Variants in SETD2 observed in about 807,000 individuals in gnomAD.
The protein encoded by SETD2 is SET domain containing 2, histone lysine methyltransferase, also known as histone-lysine N-methyltransferase SETD2.
SETD2 carries 31 observed loss-of-function variants against 242.1 expected under a neutral mutation model. That is an observed-to-expected ratio of 0.13 (90% CI 0.10 to 0.17). The LOEUF (loss-of-function observed/expected upper bound fraction) is 0.17. Among genes scored for constraint, SETD2 ranks in the 10% least tolerant of loss-of-function variants. The probability of loss-of-function intolerance (pLI) is 1.00; values close to 1 mark genes in which losing one functional copy is unlikely to be tolerated. For missense variants in SETD2, 2,481 were observed against 3,046.3 expected (o/e 0.81, Z 4.37); for synonymous variants, 1,006 against 1,066.5 (o/e 0.94, Z 1.11).
intron 3 of SETD2, among the ~76,000 whole-genome samples, chr3:47,117,227 C>T (rs1162450745): frequency 7.2e-6 from 1 of 138,880 alleles, no homozygotes; most frequent in African/African-American, 2.8e-5. Context: ...ATTATTAGTA[C>T]TTGTGAGACT....
At chr3:47,153,375 T>C (rs2044044270) in intron 1 of SETD2, among the ~76,000 whole-genome samples, 1 of 152,152 alleles carries the variant, frequency 6.6e-6, no homozygotes, top group Non-Finnish European at 1.5e-5. Context: ...AGTCCAACTA[T>C]GGAAAAATGA....
chr3:47,101,673 C>T (rs2042219867), intron 7 of SETD2, 118 bp from the exon 8 acceptor site: 1 of 577,154 alleles, frequency 1.7e-6, no homozygotes, highest in Non-Finnish European at 3.1e-6. Flanking sequence ...CTTAATTATG[C>T]AAGTGGGTCT....
intron 18 of SETD2, among the ~76,000 whole-genome samples, chr3:47,021,176 C>T (rs2038202281): frequency 6.6e-6 from 1 of 152,004 alleles, no homozygotes; most frequent in African/African-American, 2.4e-5. Context: ...CACAGTAAGA[C>T]CTTAGGTAGC....
intron 2 of SETD2, among the ~76,000 whole-genome samples, chr3:47,124,761 C>T (rs980752427): frequency 6.6e-6 from 1 of 152,134 alleles, no homozygotes; most frequent in African/African-American, 2.4e-5. Context: ...GTATCCACTC[C>T]AAGCTTCAAC....
At chr3:47,098,312 G>A in intron 8 of SETD2, 1 of 320,662 alleles carries the variant, frequency 3.1e-6, no homozygotes, top group East Asian at 5.3e-5. Flanking sequence ...AACTAGCCAA[G>A]AAATAAACAA....
chr3:47,140,795 G>A (rs1377575329), intron 1 of SETD2, among the ~76,000 whole-genome samples: 2 of 152,146 alleles, frequency 1.3e-5, no homozygotes, highest in Non-Finnish European at 2.9e-5. Flanking sequence ...CCAGTGGGGT[G>A]GAGGTTGCAG....
chr3:47,134,858 T>C (rs1313084005), intron 1 of SETD2, among the ~76,000 whole-genome samples: 3 of 152,060 alleles, frequency 2.0e-5, no homozygotes, highest in Non-Finnish European at 4.4e-5. Context: ...TCCTGACCTC[T>C]AGTGATCAAC....
chr3:47,024,076 A>G (rs1161461696), intron 18 of SETD2, among the ~76,000 whole-genome samples: 1 of 152,236 alleles, frequency 6.6e-6, no homozygotes. Flanking sequence ...GTGGTGGCTC[A>G]GGCCTATAAT....
At chr3:47,105,849 G>A (rs759074817) in intron 6 of SETD2, 148 bp downstream of exon 6, 47 of 832,032 alleles carry the variant, frequency 5.6e-5, no homozygotes, top group Non-Finnish European at 7.5e-5. Flanking sequence ...GTTGCAGTGA[G>A]CCGAGATCTT....
chr3:47,024,545 C>CGGAG (rs994573978), intron 18 of SETD2, among the ~76,000 whole-genome samples: 24 of 150,676 alleles, frequency 1.6e-4, no homozygotes, highest in African/African-American at 5.6e-4. Flanking sequence ...CCAGCTAATT[C>CGGAG]GGAGGCTGAG....
chr3:47,036,409 G>A (rs1016581001), intron 18 of SETD2, among the ~76,000 whole-genome samples: 6 of 151,964 alleles, frequency 3.9e-5, no homozygotes, highest in African/African-American at 1.5e-4. Context: ...ACAAACATTA[G>A]CCAGGCATGG....
intron 13 of SETD2, chr3:47,064,779 A>T (rs1481532540): frequency 1.3e-5 from 2 of 151,804 alleles, no homozygotes; most frequent in African/African-American, 4.9e-5. Flanking sequence ...AATATATATA[A>T]AATATATAAA....
chr3:47,113,084 T>C (rs955387663), intron 5 of SETD2, among the ~76,000 whole-genome samples: 1 of 149,348 alleles, frequency 6.7e-6, no homozygotes, highest in African/African-American at 2.5e-5. Context: ...AACCTTGATA[T>C]GCTCAGGTAT....
chr3:47,024,977 C>A (rs2038407009), intron 18 of SETD2, among the ~76,000 whole-genome samples: 1 of 152,166 alleles, frequency 6.6e-6, no homozygotes, highest in African/African-American at 2.4e-5. Flanking sequence ...AATGTTTAGT[C>A]TCATCATCAA....
intron 1 of SETD2, among the ~76,000 whole-genome samples, chr3:47,154,910 C>T (rs1447571579): frequency 1.3e-5 from 2 of 151,968 alleles, no homozygotes; most frequent in Non-Finnish European, 2.9e-5. Context: ...AGGAGAATGG[C>T]GTGAGCCCAG....
At chr3:47,149,257 A>C (rs2106818575) in intron 1 of SETD2, among the ~76,000 whole-genome samples, 1 of 152,274 alleles carries the variant, frequency 6.6e-6, no homozygotes, top group Middle Eastern at 3.4e-3. Context: ...CTGATATGCC[A>C]CTAAACTAGC....
In SETD2 at chr3:47,046,359, A is replaced by G. The variant is rs78188645; in HGVS notation, c.7098+128T>C. 0.011 allele frequency: 8,622 copies of G among 750,798 alleles called. 621 individuals carry two copies. The African/African-American group carries it at 0.14, about 12-fold the overall frequency. 46.5% of individuals were successfully genotyped at this position (750,798 alleles called of 1,614,324 possible). ...CTCAAAAAAAAAATAAAATAAAATA[A>G]AATAAAACAAAGAACACGTGAAAAA... On this transcript the variant is annotated intron_variant, in intron 16 of 20. Transcript: ENST00000409792.
chr3:47,076,964 T>C (rs2041106552), intron 12 of SETD2, among the ~76,000 whole-genome samples: 1 of 152,228 alleles, frequency 6.6e-6, no homozygotes, highest in Admixed American at 6.5e-5. Flanking sequence ...TTTAAAATAC[T>C]GTAGCATAAT....
At chr3:47,066,253 G>A (rs551169406) in intron 13 of SETD2, among the ~76,000 whole-genome samples, 1 of 152,134 alleles carries the variant, frequency 6.6e-6, no homozygotes, top group East Asian at 1.9e-4. Flanking sequence ...ATAATATGAG[G>A]AGTCAAAAGT....
Sources: gnomAD v4.1 joint callset for allele counts (sites outside exome capture counted in the v4.1 genomes callset) on GRCh38, gnomAD v4.1.1 for gene constraint, MANE v1.5 for transcripts, NCBI Gene and HGNC (gene_info 2026-07-23, HGNC 2026-07-21) for gene names.